MESD: variants seen among roughly 807,000 people sequenced by gnomAD.
MESD encodes LRP chaperone MESD.
MESD carries 7 observed loss-of-function variants against 12.9 expected under a neutral mutation model. The ratio of observed to expected loss-of-function variants is 0.54; its 90% CI spans 0.31 to 1.02. The LOEUF (loss-of-function observed/expected upper bound fraction) is 1.02, where lower values mean the gene tolerates loss of function less well. Ranked by LOEUF, MESD falls within the 50% of genes least tolerant of loss-of-function variation. The pLI is 0.05. For synonymous variants in MESD, 126 were observed against 115.6 expected (o/e 1.09, Z -0.58); for missense variants, 342 against 296.7 (o/e 1.15, Z -1.12).
intron 3 of MESD, among the ~76,000 whole-genome samples, chr15:80,969,325 T>C (rs1420242851): frequency 6.6e-6 from 1 of 152,184 alleles, no homozygotes; most frequent in Non-Finnish European, 1.5e-5. Context: ...GTGTGTCTTT[T>C]AATATTCAAC....
Position 80,952,302 on chromosome 15 carries a change from A to G in MESD, c.*289-6T>C, listed in dbSNP as rs114415647. 3,755 of 450,140 alleles carry G rather than the reference A, an allele frequency of 8.3e-3. 125 individuals are homozygous for G. Among genetic ancestry groups the G allele is most frequent in the African/African-American group, 0.067 (3,363 of 50,042 alleles). The allele number at this position is 450,140 out of a possible 1,614,324, so 27.9% of individuals were successfully genotyped here. A position where few individuals can be genotyped will look rare whatever the true frequency, so the allele number is the denominator to read the frequency against. On this transcript the variant is annotated splice_polypyrimidine_tract_variant and splice_region_variant and intron_variant, in intron 3 of 4. Coordinates refer to the MESD transcript ENST00000561312. ...ACTGGAAGGGGCTCAGGGGTCTGGA[A>G]GGGAGAGAGTGAGAGGCAGAGGTTA... is the stretch of plus-strand genomic sequence containing the variant.
intron 4 of MESD, chr15:80,951,514 T>C (rs1204934956): frequency 6.6e-6 from 1 of 152,652 alleles, no homozygotes; most frequent in African/African-American, 2.4e-5. Context: ...AGCTGGTCCT[T>C]TTTCGGGAGT....
rs937566253 is a variant in MESD, at chr15:80,981,452, A to C, written c.446+498T>G. ...ACTCCGTCTCAAAAAAAAAAAAAAA[A>C]AAAACAAACTAGATAGATAAATAAT... On this transcript the variant is annotated intron_variant, in intron 2 of 2. Coordinates refer to ENST00000261758, the MANE Select transcript of MESD (RefSeq NM_015154.3). 7.5e-3 allele frequency among the ~76,000 whole-genome samples: 1,128 copies of C among 150,776 alleles called. 23 individuals carry two copies. The highest frequency in any genetic ancestry group is 0.026 in the African/African-American group (1,055 of 40,940).
Position 80,976,375 on chromosome 15 carries a change from G to C in MESD, c.*2844C>G, listed in dbSNP as rs949188612. 3.3e-5 allele frequency: 5 copies of C among 152,282 alleles called. No homozygotes were observed. The highest frequency in any genetic ancestry group is 5.9e-5 in the Non-Finnish European group (4 of 68,080). 9.4% of individuals were successfully genotyped at this position (152,282 alleles called of 1,614,324 possible). A position where few individuals can be genotyped will look rare whatever the true frequency, so the allele number is the denominator to read the frequency against. ...TGTTGGCTCCCCTCAGTGTCAACTA[G>C]GATTGCTTGAAGGCTGGGGCTGGAA... On this transcript the variant is annotated 3_prime_UTR_variant, in exon 3 of 3. Transcript: ENST00000261758.
chr15:80,986,182 G>A (rs187533297), intron 1 of MESD, among the ~76,000 whole-genome samples: 310 of 152,240 alleles, frequency 2.0e-3, no homozygotes, highest in African/African-American at 6.3e-3. Flanking sequence ...GACAAATACC[G>A]CGCATTCTCC....
In MESD at chr15:80,978,763, T is replaced by A. The variant is rs189620996; in HGVS notation, c.*456A>T. The A allele has an allele frequency of 1.9e-5, 3 of 155,640 alleles. No homozygotes were observed. The highest frequency in any genetic ancestry group is 7.2e-5 in the African/African-American group (3 of 41,710). The allele number at this position is 155,640 out of a possible 1,614,324, so 9.6% of individuals were successfully genotyped here. Reference sequence around the variant, plus strand: ...ACATCTGAGTTCACAAAGCATATTTTACCTTTAACATAATGAAAATGATGT... The same window carrying A: ...ACATCTGAGTTCACAAAGCATATTTAACCTTTAACATAATGAAAATGATGT... On this transcript the variant is annotated 3_prime_UTR_variant, in exon 3 of 3. Coordinates refer to ENST00000261758, the MANE Select transcript of MESD (RefSeq NM_015154.3).
rs1335708206 is a variant in MESD at position 80,982,083 on chromosome 15, A to G, written c.313T>C (p.Leu105=). 1.2e-6 allele frequency: 2 copies of G among 1,613,970 alleles called. No homozygotes were observed. The highest frequency in any genetic ancestry group is 1.1e-5 in the South Asian group (1 of 91,086). ...KIDPSKPESI[L]KMTKKGKTLM... is the part of the protein sequence containing the mutation. Reference sequence around the variant, plus strand: ...GTCTTCCCTTTTTTCGTCATTTTCAATATGCTTTCAGGCTTGCTTGGGTCT... The same window carrying G: ...GTCTTCCCTTTTTTCGTCATTTTCAGTATGCTTTCAGGCTTGCTTGGGTCT... The change falls in exon 2 of 3, where the codon TTG becomes CTG. Residue 105 remains leucine, a synonymous_variant. Coordinates refer to ENST00000261758, the MANE Select transcript of MESD (RefSeq NM_015154.3).
At chr15:80,946,745 T>C, downstream of MESD, 4 of 569,916 alleles carry the variant, frequency 7.0e-6, no homozygotes, top group Non-Finnish European at 9.6e-6. Flanking sequence ...GGGCACCAAC[T>C]GTGGCCAGAT....
rs373300791 is a variant in MESD, at chr15:80,981,931, C to G, written c.446+19G>C. On this transcript the variant is annotated intron_variant, in intron 2 of 2. Coordinates refer to ENST00000261758, the MANE Select transcript of MESD (RefSeq NM_015154.3). The stretch of plus-strand genomic sequence containing the variant: ...CGAGCACAGCCTATGAGTCTCTCAG[C>G]TGGTTGTTGCTGCTTTACCTCTGGA... 2 of 1,523,590 alleles carry G rather than the reference C, an allele frequency of 1.3e-6. No homozygotes were observed. The highest frequency in any genetic ancestry group is 1.8e-6 in the Non-Finnish European group (2 of 1,098,106). 94.4% of individuals were successfully genotyped at this position (1,523,590 alleles called of 1,614,324 possible).
In MESD at chr15:80,978,890, G is replaced by A. The variant is rs1312168701; in HGVS notation, c.*329C>T. On this transcript the variant is annotated 3_prime_UTR_variant, in exon 3 of 3. Coordinates refer to ENST00000261758, the MANE Select transcript of MESD (RefSeq NM_015154.3). ...AGCAGGCCACCCAATCACAGCAGGT[G>A]CTTGGAGGGGAGTGGAATCTCAGTA... 2.9e-6 allele frequency: 1 copy of A among 349,074 alleles called. No individual in the cohort carries two copies. The highest frequency in any genetic ancestry group is 2.1e-5 in the African/African-American group (1 of 47,910). The allele number at this position is 349,074 out of a possible 1,614,324, so 21.6% of individuals were successfully genotyped here.
chr15:80,958,699 A>G (rs1902031503), intron 3 of MESD, among the ~76,000 whole-genome samples: 2 of 152,142 alleles, frequency 1.3e-5, no homozygotes, highest in African/African-American at 4.8e-5. Context: ...ACTATCTCTC[A>G]GGGGTCACCA....
Position 80,979,371 on chromosome 15 carries a change from G to C in MESD, c.553C>G (p.Leu185Val), listed in dbSNP as rs780337539. 1.2e-6 allele frequency: 2 copies of C among 1,614,090 alleles called. No individual in the cohort carries two copies. The highest frequency in any genetic ancestry group is 2.2e-5 in the South Asian group (2 of 91,084). ...VGQDRCADVT[L>V]EGQVYPGKGG... ...TTGCCGGGGTACACCTGGCCCTCCA[G>C]AGTTACATCAGCACACCTGTCTTGA... The change falls in exon 3 of 3, where the codon CTG becomes GTG. Residue 185 changes from leucine (L) to valine (V), a missense_variant. Leu to Val is a conservative substitution (Grantham distance 32). Coordinates refer to ENST00000261758, the MANE Select transcript of MESD (RefSeq NM_015154.3).
At chr15:80,949,361 A>C in intron 4 of MESD, 1 of 294,098 alleles carries the variant, frequency 3.4e-6, no homozygotes, top group South Asian at 3.5e-5. Context: ...TGGTAAATGT[A>C]GGAGAAAGAG....
chr15:80,949,235 C>T (rs1901712667), intron 4 of MESD: 1 of 423,216 alleles, frequency 2.4e-6, no homozygotes, highest in Non-Finnish European at 4.4e-6. Context: ...TATCAGGAGA[C>T]CTGGGTTGTG....
At chr15:80,973,226 T>C (rs1297786389), downstream of MESD, among the ~76,000 whole-genome samples, 2 of 152,148 alleles carry the variant, frequency 1.3e-5, no homozygotes, top group Admixed American at 1.3e-4. Context: ...CTTCCTTTTA[T>C]AGAGAACTTT....
intron 3 of MESD, among the ~76,000 whole-genome samples, chr15:80,957,599 A>AACACACACAC (rs36008211): frequency 4.4e-4 from 66 of 148,894 alleles, no homozygotes; most frequent in African/African-American, 1.5e-3. Flanking sequence ...TCCACTGCAA[A>AACACACACAC]ACACACACAC....
intron 2 of MESD, among the ~76,000 whole-genome samples, chr15:80,980,120 C>T (rs1902535434): frequency 6.6e-6 from 1 of 152,198 alleles, no homozygotes; most frequent in Admixed American, 6.5e-5. Flanking sequence ...GACTACACCA[C>T]GCGTTCCCCC....
chr15:80,952,130 G>A (rs775532046), exon 4 of MESD: 10 of 453,846 alleles, frequency 2.2e-5, no homozygotes, highest in African/African-American at 1.0e-4. Context: ...AAGCCAGGCA[G>A]AAGCAGGACT....
rs781550236 is a variant in MESD at position 80,982,128 on chromosome 15, G to A, written c.268C>T (p.Pro90Ser). ...GGGTCTATCTTTGAGAAGTCGACAG[G>A]TGCTGAAGGTCTCTTGTGCTCTGGA... is the stretch of plus-strand genomic sequence containing the variant. ...DLPEHKRPSA[P>S]VDFSKIDPSK... Residue 90 changes from proline to serine, a missense_variant, in exon 2 of 3, where the codon CCT becomes TCT. Coordinates refer to ENST00000261758, the MANE Select transcript of MESD (RefSeq NM_015154.3). 1 of 1,614,140 alleles carries A rather than the reference G, an allele frequency of 6.2e-7. No individual in the cohort carries two copies. Among genetic ancestry groups the A allele is most frequent in the Non-Finnish European group, 8.5e-7 (1 of 1,180,026 alleles).
Sources: allele counts gnomAD v4.1 joint callset (sites outside exome capture counted in the v4.1 genomes callset), GRCh38; gene constraint gnomAD v4.1.1; transcripts MANE v1.5; gene names NCBI Gene and HGNC (gene_info 2026-07-23, HGNC 2026-07-21).